DNAJC10: variants seen among roughly 807,000 people sequenced by gnomAD.
DNAJC10 encodes endoplasmic reticulum disulfide reductase DNAJC10.
DNAJC10 carries 101 observed loss-of-function variants against 115.0 expected under a neutral mutation model. The ratio of observed to expected loss-of-function variants is 0.88; its 90% CI spans 0.75 to 1.04. The LOEUF is 1.04. DNAJC10 is among the 50% of genes least tolerant of loss of function. DNAJC10 has a pLI of 0.00. For missense variants in DNAJC10, 981 were observed against 928.8 expected (o/e 1.06, Z -0.73); for synonymous variants, 307 against 301.5 (o/e 1.02, Z -0.19).
intron 22 of DNAJC10, among the ~76,000 whole-genome samples, chr2:182,770,714 T>A (rs1456426046): frequency 6.6e-6 from 1 of 152,148 alleles, no homozygotes; most frequent in Non-Finnish European, 1.5e-5. Flanking sequence ...TGGGCTGAGA[T>A]GATGGGGTTT....
chr2:182,771,155 C>G (rs1446479030), intron 22 of DNAJC10, among the ~76,000 whole-genome samples: 1 of 152,168 alleles, frequency 6.6e-6, no homozygotes, highest in Non-Finnish European at 1.5e-5. Context: ...AGGGATGAAG[C>G]TGACTTGATC....
Position 182,780,782 on chromosome 2 carries a change from A to T in DNAJC10, c.*3650A>T. The T allele has an allele frequency of 6.6e-6, 1 of 152,206 alleles. No individual in the cohort carries two copies. The highest frequency in any genetic ancestry group is 1.9e-4 in the East Asian group (1 of 5,194). The allele number at this position is 152,206 out of a possible 1,614,324, so 9.4% of individuals were successfully genotyped here. ...GTGAATGGAAACTAGCCAAAAATAC[A>T]GCCAAAGTCTCAACGCCAAACTGGT... On this transcript the variant is annotated 3_prime_UTR_variant, in exon 24 of 24. Coordinates refer to ENST00000264065, the MANE Select transcript of DNAJC10 (RefSeq NM_018981.4).
Position 182,752,179 on chromosome 2 carries a change from C to T in DNAJC10, c.1542C>T (p.Leu514=). 6.6e-7 allele frequency: 1 copy of T among 1,514,148 alleles called. No homozygotes were observed. 93.8% of individuals were successfully genotyped at this position (1,514,148 alleles called of 1,614,324 possible). Residue 514 remains leucine, a synonymous_variant, in exon 16 of 24, where the codon CTC becomes CTT. Transcript: ENST00000264065. ...GTLDCTVHEG[L]CNMYNIQAYP... ...TAGATTGTACAGTTCATGAGGGACT[C>T]TGTAACATGGTAAGGCAAAGTATCA...
intron 22 of DNAJC10, among the ~76,000 whole-genome samples, chr2:182,770,517 A>G (rs1013676610): frequency 4.6e-5 from 7 of 152,044 alleles, no homozygotes. Flanking sequence ...GTTCTCCTTG[A>G]AGAGGTCCTT....
chr2:182,756,463 G>A lies in DNAJC10; in HGVS notation c.1803G>A (p.Met601Ile). Residue 601 changes from methionine to isoleucine, a missense_variant, in exon 18 of 24, where the codon ATG becomes ATA. Physicochemically the swap from Met to Ile is conservative, Grantham distance 10. Transcript: ENST00000264065. ...CQVLMPEWKR[M>I]ARTLTGLINV... is the part of the protein sequence containing the mutation. Reference sequence around the variant, plus strand: ...TCTTAATGCCAGAATGGAAAAGAATGGCCCGGGTATAGTAAAAATAGTTTA... The same window carrying A: ...TCTTAATGCCAGAATGGAAAAGAATAGCCCGGGTATAGTAAAAATAGTTTA... 6.2e-7 allele frequency: 1 copy of A among 1,612,248 alleles called. No homozygotes were observed. Among genetic ancestry groups the A allele is most frequent in the Non-Finnish European group, 8.5e-7 (1 of 1,179,354 alleles).
chr2:182,789,587 C>T lies in DNAJC10; in HGVS notation c.*12455C>T, dbSNP rs753179883. 6.6e-6 allele frequency: 1 copy of T among 152,190 alleles called. No individual in the cohort carries two copies. Among genetic ancestry groups the T allele is most frequent in the Non-Finnish European group, 1.5e-5 (1 of 68,038 alleles). 9.4% of individuals were successfully genotyped at this position (152,190 alleles called of 1,614,324 possible). On this transcript the variant is annotated 3_prime_UTR_variant, in exon 24 of 24. Transcript: ENST00000264065. ...ATACATTCTACATTTTGTTATTCGT[C>T]CGTTGATAGGCTGCCTTCACCCTTT...
At chr2:182,739,579 G>A in intron 11 of DNAJC10, 1 of 1,219,416 alleles carries the variant, frequency 8.2e-7, no homozygotes, top group Non-Finnish European at 1.1e-6. Flanking sequence ...AGCAGAGAGA[G>A]AGAGTTATAT....
intron 5 of DNAJC10, among the ~76,000 whole-genome samples, chr2:182,725,918 C>T (rs574840419): frequency 2.0e-5 from 3 of 151,984 alleles, no homozygotes; most frequent in Non-Finnish European, 2.9e-5. Context: ...TTCTGCAGCC[C>T]GTAAATCAAG....
In DNAJC10 at chr2:182,777,883, A is replaced by C. The variant is rs1694750497; in HGVS notation, c.*751A>C. 2 of 152,340 alleles carry C rather than the reference A, an allele frequency of 1.3e-5. No individual in the cohort carries two copies. Among genetic ancestry groups the C allele is most frequent in the East Asian group, 3.9e-4 (2 of 5,186 alleles). 9.4% of individuals were successfully genotyped at this position (152,340 alleles called of 1,614,324 possible). On this transcript the variant is annotated 3_prime_UTR_variant, in exon 24 of 24. Coordinates refer to ENST00000264065, the MANE Select transcript of DNAJC10 (RefSeq NM_018981.4). ...CACAAATTTGAGCAACAGTAAGTGC[A>C]CAAATTCTGTAGTTTGCCGTATCAT... is the stretch of plus-strand genomic sequence containing the variant.
At chr2:182,732,129 C>A (rs1364157782) in intron 9 of DNAJC10, among the ~76,000 whole-genome samples, 1 of 152,100 alleles carries the variant, frequency 6.6e-6, no homozygotes, top group Non-Finnish European at 1.5e-5. Context: ...CCTTTATATA[C>A]TTCTATCAAA....
At chr2:182,728,767 C>G in intron 6 of DNAJC10, 96 bp from the exon 7 acceptor site, 1 of 1,509,076 alleles carries the variant, frequency 6.6e-7, no homozygotes, top group South Asian at 1.2e-5. Context: ...TTATCAAATA[C>G]TTTAAATGTC....
intron 14 of DNAJC10, among the ~76,000 whole-genome samples, chr2:182,745,585 T>G (rs1288497174): frequency 6.6e-6 from 1 of 152,142 alleles, no homozygotes; most frequent in Non-Finnish European, 1.5e-5. Context: ...ATGTACCAGG[T>G]ACAGTACTGA....
rs1424059480 is a variant in DNAJC10, at chr2:182,732,491, G to T, written c.806-8G>T. 6 of 1,612,932 alleles carry T rather than the reference G, an allele frequency of 3.7e-6. No homozygotes were observed. In the East Asian group the frequency reaches 1.3e-4, roughly 36 times the overall value. ...TAAAACTGCCTCATAAGGTTTTTTTGTCCCCAGATTGTTTGACTTCACAGA... is the reference window on the plus strand; with the variant it reads ...TAAAACTGCCTCATAAGGTTTTTTTTTCCCCAGATTGTTTGACTTCACAGA... On this transcript the variant is annotated splice_region_variant and splice_polypyrimidine_tract_variant and intron_variant, in intron 9 of 23. Transcript: ENST00000264065.
chr2:182,744,335 T>A (rs903477804), intron 14 of DNAJC10, among the ~76,000 whole-genome samples: 1 of 152,294 alleles, frequency 6.6e-6, no homozygotes, highest in African/African-American at 2.4e-5. Context: ...AGCACTGCTT[T>A]CAATGTTGAG....
In DNAJC10 at chr2:182,751,759, C is replaced by A. The variant is rs1251971334; in HGVS notation, c.1408C>A (p.Pro470Thr). The change falls in exon 15 of 24, where the codon CCA becomes ACA. Residue 470 changes from proline to threonine, a missense_variant. By Grantham distance (38) the Pro-to-Thr change is conservative. Transcript: ENST00000264065. Reference sequence around the variant, plus strand: ...AAATTTTCCTGCCAATGACAAAGAACCATGGCTTGTTGATTTCTTTGCCCC... The same window carrying A: ...AAATTTTCCTGCCAATGACAAAGAAACATGGCTTGTTGATTTCTTTGCCCC... ...PQNFPANDKE[P>T]WLVDFFAPWC... 1.2e-6 allele frequency: 2 copies of A among 1,613,624 alleles called. No homozygotes were observed. Among genetic ancestry groups the A allele is most frequent in the Admixed American group, 3.3e-5 (2 of 59,934 alleles).
At chr2:182,760,905 G>A (rs1694271278) in intron 21 of DNAJC10, among the ~76,000 whole-genome samples, 1 of 151,972 alleles carries the variant, frequency 6.6e-6, no homozygotes, top group Non-Finnish European at 1.5e-5. Context: ...GCTTCCTTCT[G>A]TAATAATTCT....
chr2:182,741,233 C>T lies in DNAJC10; in HGVS notation c.1078-10C>T. ...ATCTCTGACATTTTGTTTTCTTTAT[C>T]ACTTTTAAGGATCGTTTGGCTCATC... On this transcript the variant is annotated splice_polypyrimidine_tract_variant and intron_variant, in intron 12 of 23. Transcript: ENST00000264065. The T allele has an allele frequency of 6.4e-7, 1 of 1,553,844 alleles. No homozygotes were observed. Among genetic ancestry groups the T allele is most frequent in the Non-Finnish European group, 8.8e-7 (1 of 1,138,204 alleles).
intron 18 of DNAJC10, among the ~76,000 whole-genome samples, chr2:182,756,697 G>T (rs1418937189): frequency 2.0e-5 from 3 of 151,796 alleles, no homozygotes; most frequent in African/African-American, 7.3e-5. Flanking sequence ...TGGTCGGGTA[G>T]CAGGGGGCAG....
At position 182,760,895 on chromosome 2, in the gene DNAJC10, G is replaced by C. The variant is rs185605704; in HGVS notation, c.2145+1588G>C. Among the ~76,000 whole-genome samples the C allele has an allele frequency of 7.2e-3, 1,101 of 152,092 alleles. 5 individuals are homozygous for C. The highest frequency in any genetic ancestry group is 0.032 in the South Asian group (154 of 4,822). On this transcript the variant is annotated intron_variant, in intron 21 of 23. Transcript: ENST00000264065. The stretch of plus-strand genomic sequence containing the variant: ...ATTCTTTCCATTCTAATCTTCTTAT[G>C]CTTCCTTCTGTAATAATTCTGCTTT...
Sources: allele counts gnomAD v4.1 joint callset (sites outside exome capture counted in the v4.1 genomes callset), GRCh38; gene constraint gnomAD v4.1.1; transcripts MANE v1.5; gene names NCBI Gene and HGNC (gene_info 2026-07-23, HGNC 2026-07-21).